H1-0: variants seen among roughly 807,000 people sequenced by gnomAD.
The protein encoded by H1-0 is histone H1.0.
A neutral mutation model predicts 8.8 loss-of-function variants in H1-0; 5 were observed. The ratio of observed to expected loss-of-function variants is 0.57; its 90% CI spans 0.30 to 1.19. H1-0 has a LOEUF of 1.19. Ranked by LOEUF, H1-0 falls within the 50% of genes most tolerant of loss-of-function variation. H1-0 has a pLI of 0.08. For synonymous variants in H1-0, 143 were observed against 101.4 expected, an observed-to-expected ratio of 1.41 and a Z score of -2.46; for missense variants, 231 against 242.0, an observed-to-expected ratio of 0.95 and a Z score of 0.30.
rs1921022609 is a variant in H1-0, at chr22:37,806,978, T to TACAA, written c.*849_*850insACAA. 6.0e-6 allele frequency: 1 copy of TACAA among 167,096 alleles called. No homozygotes were observed. The highest frequency in any genetic ancestry group is 1.5e-5 in the Non-Finnish European group (1 of 68,132). 10.4% of individuals were successfully genotyped at this position (167,096 alleles called of 1,614,324 possible). A position where few individuals can be genotyped will look rare whatever the true frequency, so the allele number is the denominator to read the frequency against. On this transcript the variant is annotated 3_prime_UTR_variant, in exon 1 of 1. Coordinates refer to ENST00000340857, the MANE Select transcript of H1-0 (RefSeq NM_005318.4). ...GATGGATTGTGTCCTAGGAAGACTT[T>TACAA]TCTTTTCCTCTGGATTTTTGTTCCT...
Position 37,805,859 on chromosome 22 carries a change from G to A in H1-0, c.315G>A (p.Val105=). Residue 105 remains valine (V), a synonymous_variant, in exon 1 of 1, where the codon GTG becomes GTA. Transcript: ENST00000340857. ...AGAGCGACGAACCCAAGAAGTCAGT[G>A]GCCTTCAAGAAGACCAAGAAGGAAA... ...LAKSDEPKKS[V]AFKKTKKEIK... 1 of 1,613,974 alleles carries A rather than the reference G, an allele frequency of 6.2e-7. No homozygotes were observed. The highest frequency in any genetic ancestry group is 8.5e-7 in the Non-Finnish European group (1 of 1,180,022).
Position 37,805,745 on chromosome 22 carries a change from G to C in H1-0, c.201G>C (p.Gln67His). 6.2e-7 allele frequency: 1 copy of C among 1,614,108 alleles called. No individual in the cohort carries two copies. Among genetic ancestry groups the C allele is most frequent in the Non-Finnish European group, 8.5e-7 (1 of 1,180,008 alleles). Residue 67 changes from glutamine (Q) to histidine (H), a missense_variant, in exon 1 of 1, where the codon CAG becomes CAC. By Grantham distance (24) the Gln-to-His change is conservative. Transcript: ENST00000340857. ...HYKVGENADS[Q>H]IKLSIKRLVT... ...AGGTGGGTGAGAACGCTGACTCGCA[G>C]ATCAAGTTGTCCATCAAGCGCCTGG...
Position 37,806,258 on chromosome 22 carries a change from G to T in H1-0, c.*129G>T. ...TCTGTTCTGACTTTATAAGAGACAGGATTTGGATTCTTCAGAAATTACAGA... is the reference window on the plus strand; with the variant it reads ...TCTGTTCTGACTTTATAAGAGACAGTATTTGGATTCTTCAGAAATTACAGA... On this transcript the variant is annotated 3_prime_UTR_variant, in exon 1 of 1. Coordinates refer to ENST00000340857, the MANE Select transcript of H1-0 (RefSeq NM_005318.4). The T allele has an allele frequency of 1.4e-6, 1 of 708,506 alleles. No individual in the cohort carries two copies. Among genetic ancestry groups the T allele is most frequent in the Non-Finnish European group, 2.4e-6 (1 of 424,000 alleles). 43.9% of individuals were successfully genotyped at this position (708,506 alleles called of 1,614,324 possible). A position where few individuals can be genotyped will look rare whatever the true frequency, so the allele number is the denominator to read the frequency against.
At position 37,806,181 on chromosome 22, in the gene H1-0, ATAAT is replaced by A. The variant is rs1400719323; in HGVS notation, c.*54_*57del. ...CCCTCCTGTCTCCTATTTTCTGTAAATAATTTTCTCCTTTTTTCTCTCTTGATGC... is the reference window on the plus strand; with the variant it reads ...CCCTCCTGTCTCCTATTTTCTGTAAATTTCTCCTTTTTTCTCTCTTGATGC... On this transcript the variant is annotated 3_prime_UTR_variant, in exon 1 of 1. Transcript: ENST00000340857. 7 of 1,411,628 alleles carry A rather than the reference ATAAT, an allele frequency of 5.0e-6. No homozygotes were observed. In the South Asian group the frequency reaches 9.2e-5, roughly 19 times the overall value. 87.4% of individuals were successfully genotyped at this position (1,411,628 alleles called of 1,614,324 possible). A position where few individuals can be genotyped will look rare whatever the true frequency, so the allele number is the denominator to read the frequency against.
chr22:37,805,952 G>A lies in H1-0; in HGVS notation c.408G>A (p.Lys136=). Reference sequence around the variant, plus strand: ...AGGCTGCCTCCAAAGCCCCAACCAAGAAACCCAAAGCCACCCCGGTCAAGA... The same window carrying A: ...AGGCTGCCTCCAAAGCCCCAACCAAAAAACCCAAAGCCACCCCGGTCAAGA... ...PKKAASKAPT[K]KPKATPVKKA... Residue 136 remains lysine, a synonymous_variant, in exon 1 of 1, where the codon AAG becomes AAA. Transcript: ENST00000340857. 6.2e-7 allele frequency: 1 copy of A among 1,613,950 alleles called. No individual in the cohort carries two copies. The highest frequency in any genetic ancestry group is 1.1e-5 in the South Asian group (1 of 91,074).
Position 37,806,403 on chromosome 22 carries a change from G to A in H1-0, c.*274G>A, listed in dbSNP as rs1465325955. ...TACGGGGTTAGGGATTTGCGGGGGG[G>A]GCTTGTGTGTTTTGTTGGCTTGTTT... On this transcript the variant is annotated 3_prime_UTR_variant, in exon 1 of 1. Transcript: ENST00000340857. 3 of 434,488 alleles carry A rather than the reference G, an allele frequency of 6.9e-6. No individual in the cohort carries two copies. Among genetic ancestry groups the A allele is most frequent in the Non-Finnish European group, 4.3e-6 (1 of 234,366 alleles). 26.9% of individuals were successfully genotyped at this position (434,488 alleles called of 1,614,324 possible). A position where few individuals can be genotyped will look rare whatever the true frequency, so the allele number is the denominator to read the frequency against.
rs1188296054 is a variant in H1-0, at chr22:37,805,275, C to CT, written c.-270_-269insT. ...GAGGCAGAGGAGGCGGAGGCAGAGG[C>CT]AGAGGCAGAGGCAGAGCCCGAGCCC... is the stretch of plus-strand genomic sequence containing the variant. On this transcript the variant is annotated 5_prime_UTR_variant, in exon 1 of 1. Coordinates refer to ENST00000340857, the MANE Select transcript of H1-0 (RefSeq NM_005318.4). 6.0e-6 allele frequency: 2 copies of CT among 336,130 alleles called. No individual in the cohort carries two copies. The highest frequency in any genetic ancestry group is 9.8e-6 in the Non-Finnish European group (2 of 204,506). 20.8% of individuals were successfully genotyped at this position (336,130 alleles called of 1,614,324 possible).
In H1-0 at chr22:37,805,801, G is replaced by T. The variant is rs1302151837; in HGVS notation, c.257G>T (p.Gly86Val). 3.1e-6 allele frequency: 5 copies of T among 1,614,034 alleles called. No homozygotes were observed. The highest frequency in any genetic ancestry group is 4.2e-6 in the Non-Finnish European group (5 of 1,180,024). The change falls in exon 1 of 1, where the codon GGG becomes GTG. Residue 86 changes from glycine to valine, a missense_variant. Gly to Val is a moderately radical substitution (Grantham distance 109). Coordinates refer to ENST00000340857, the MANE Select transcript of H1-0 (RefSeq NM_005318.4). ...VTTGVLKQTKGVGASGSFRLA... is the reference protein window; with the variant it reads ...VTTGVLKQTKVVGASGSFRLA... Reference sequence around the variant, plus strand: ...ACCGGTGTCCTCAAGCAGACCAAAGGGGTGGGGGCCTCGGGGTCCTTCCGG... The same window carrying T: ...ACCGGTGTCCTCAAGCAGACCAAAGTGGTGGGGGCCTCGGGGTCCTTCCGG...
rs190663843 is a variant in H1-0 at position 37,805,535 on chromosome 22, A to G, written c.-10A>G. On this transcript the variant is annotated 5_prime_UTR_variant, in exon 1 of 1. Coordinates refer to ENST00000340857, the MANE Select transcript of H1-0 (RefSeq NM_005318.4). ...AAGGCGCCTTCAACAGCCGGACCAG[A>G]CAGGCCACCATGACCGAGAATTCCA... 3.0e-4 allele frequency: 484 copies of G among 1,605,338 alleles called. 3 individuals are homozygous for G. The African/African-American group carries it at 6.0e-3, about 20-fold the overall frequency.
At position 37,807,331 on chromosome 22, in the gene H1-0, T is replaced by TCCCCCCCCCCCCCCC. The variant is rs56665907; in HGVS notation, c.*1211_*1212insCCCCCCCCCCCCCCC. 1.3e-5 allele frequency: 2 copies of TCCCCCCCCCCCCCCC among 151,430 alleles called. No homozygotes were observed. Among genetic ancestry groups the TCCCCCCCCCCCCCCC allele is most frequent in the Non-Finnish European group, 1.6e-5 (1 of 64,406 alleles). The allele number at this position is 151,430 out of a possible 1,614,324, so 9.4% of individuals were successfully genotyped here. A position where few individuals can be genotyped will look rare whatever the true frequency, so the allele number is the denominator to read the frequency against. ...AATAGAAAAATCGCGCACTTGCGCG[T>TCCCCCCCCCCCCCCC]CCCCCCCCCACCCCCTTTTTTAAAC... On this transcript the variant is annotated 3_prime_UTR_variant, in exon 1 of 1. Coordinates refer to ENST00000340857, the MANE Select transcript of H1-0 (RefSeq NM_005318.4).
In H1-0 at chr22:37,805,721, G is replaced by A. The variant is rs1004240361; in HGVS notation, c.177G>A (p.Lys59=). Residue 59 remains lysine (K), a synonymous_variant, in exon 1 of 1, where the codon AAG becomes AAA. Coordinates refer to ENST00000340857, the MANE Select transcript of H1-0 (RefSeq NM_005318.4). ...SIQKYIKSHY[K]VGENADSQIK... ...AGAAGTATATCAAGAGCCACTACAA[G>A]GTGGGTGAGAACGCTGACTCGCAGA... The A allele has an allele frequency of 3.7e-6, 6 of 1,614,028 alleles. No individual in the cohort carries two copies. Among genetic ancestry groups the A allele is most frequent in the African/African-American group, 1.3e-5 (1 of 74,924 alleles).
Position 37,805,904 on chromosome 22 carries a change from A to C in H1-0, c.360A>C (p.Pro120=). 1 of 1,614,118 alleles carries C rather than the reference A, an allele frequency of 6.2e-7. No homozygotes were observed. The highest frequency in any genetic ancestry group is 8.5e-7 in the Non-Finnish European group (1 of 1,180,032). ...TKKEIKKVAT[P]KKASKPKKAA... is the part of the protein sequence containing the mutation. The stretch of plus-strand genomic sequence containing the variant: ...AGGAAATCAAGAAGGTAGCCACGCC[A>C]AAGAAGGCATCCAAGCCCAAGAAGG... The change falls in exon 1 of 1, where the codon CCA becomes CCC. Residue 120 remains proline, a synonymous_variant. Coordinates refer to ENST00000340857, the MANE Select transcript of H1-0 (RefSeq NM_005318.4).
At position 37,806,880 on chromosome 22, in the gene H1-0, T is replaced by G. The variant is rs1473261350; in HGVS notation, c.*751T>G. 6.0e-6 allele frequency: 1 copy of G among 167,086 alleles called. No individual in the cohort carries two copies. The highest frequency in any genetic ancestry group is 6.5e-5 in the Admixed American group (1 of 15,278). The allele number at this position is 167,086 out of a possible 1,614,324, so 10.4% of individuals were successfully genotyped here. A position where few individuals can be genotyped will look rare whatever the true frequency, so the allele number is the denominator to read the frequency against. ...TCTCTTGTTAAACCGGAGTGAAAAC[T>G]TCAGGGGAAGGGTGGGGAGTCAGCC... On this transcript the variant is annotated 3_prime_UTR_variant, in exon 1 of 1. Coordinates refer to ENST00000340857, the MANE Select transcript of H1-0 (RefSeq NM_005318.4).
In H1-0 at chr22:37,806,907, A is replaced by G. The variant is rs1346607156; in HGVS notation, c.*778A>G. On this transcript the variant is annotated 3_prime_UTR_variant, in exon 1 of 1. Transcript: ENST00000340857. ...CAGGGGAAGGGTGGGGAGTCAGCCA[A>G]GTGCCTCAGTGTGCCCTGTTGAAAC... 6.0e-6 allele frequency: 1 copy of G among 167,086 alleles called. No homozygotes were observed. The highest frequency in any genetic ancestry group is 1.5e-5 in the Non-Finnish European group (1 of 68,130). The allele number at this position is 167,086 out of a possible 1,614,324, so 10.4% of individuals were successfully genotyped here. A position where few individuals can be genotyped will look rare whatever the true frequency, so the allele number is the denominator to read the frequency against.
rs1180369551 is a variant in H1-0, at chr22:37,805,385, G to A, written c.-160G>A. 1.4e-5 allele frequency: 8 copies of A among 587,110 alleles called. No homozygotes were observed. The highest frequency in any genetic ancestry group is 8.9e-6 in the Non-Finnish European group (3 of 335,698). The allele number at this position is 587,110 out of a possible 1,614,324, so 36.4% of individuals were successfully genotyped here. A position where few individuals can be genotyped will look rare whatever the true frequency, so the allele number is the denominator to read the frequency against. ...CTCTCCCGACACCCGAGCCGGGGAG[G>A]AAAAGCAGCGACTCCTCGCTCGCAT... is the stretch of plus-strand genomic sequence containing the variant. On this transcript the variant is annotated 5_prime_UTR_variant, in exon 1 of 1. Coordinates refer to ENST00000340857, the MANE Select transcript of H1-0 (RefSeq NM_005318.4).
chr22:37,805,592 C>G lies in H1-0; in HGVS notation c.48C>G (p.Ala16=). The G allele has an allele frequency of 6.2e-7, 1 of 1,614,070 alleles. No homozygotes were observed. The highest frequency in any genetic ancestry group is 8.5e-7 in the Non-Finnish European group (1 of 1,179,986). Residue 16 remains alanine, a synonymous_variant, in exon 1 of 1, where the codon GCC becomes GCG. Transcript: ENST00000340857. The part of the protein sequence containing the change: ...TSAPAAKPKR[A]KASKKSTDHP... Reference sequence around the variant, plus strand: ...CCCCTGCGGCCAAGCCCAAGCGGGCCAAGGCCTCCAAGAAGTCCACAGACC... The same window carrying G: ...CCCCTGCGGCCAAGCCCAAGCGGGCGAAGGCCTCCAAGAAGTCCACAGACC...
chr22:37,805,259 G>A lies in H1-0; in HGVS notation c.-286G>A, dbSNP rs1920973771. The stretch of plus-strand genomic sequence containing the variant: ...CGGAGCTGGGAAAAGGGAGGCAGAG[G>A]AGGCGGAGGCAGAGGCAGAGGCAGA... On this transcript the variant is annotated 5_prime_UTR_variant, in exon 1 of 1. Coordinates refer to ENST00000340857, the MANE Select transcript of H1-0 (RefSeq NM_005318.4). 2.6e-6 allele frequency: 1 copy of A among 387,736 alleles called. No individual in the cohort carries two copies. The highest frequency in any genetic ancestry group is 4.4e-6 in the Non-Finnish European group (1 of 225,176). The allele number at this position is 387,736 out of a possible 1,614,324, so 24.0% of individuals were successfully genotyped here.
Position 37,805,465 on chromosome 22 carries a change from C to G in H1-0, c.-80C>G. 5.6e-6 allele frequency: 6 copies of G among 1,071,774 alleles called. No homozygotes were observed. Among genetic ancestry groups the G allele is most frequent in the Non-Finnish European group, 8.2e-6 (6 of 729,812 alleles). 66.4% of individuals were successfully genotyped at this position (1,071,774 alleles called of 1,614,324 possible). Reference sequence around the variant, plus strand: ...GTAGTCAGGGGCTCAGGAGCAGATCCCGAGGCAGGCTTTGCTCAGCCTCCG... The same window carrying G: ...GTAGTCAGGGGCTCAGGAGCAGATCGCGAGGCAGGCTTTGCTCAGCCTCCG... On this transcript the variant is annotated 5_prime_UTR_variant, in exon 1 of 1. Coordinates refer to ENST00000340857, the MANE Select transcript of H1-0 (RefSeq NM_005318.4).
rs1230705259 is a variant in H1-0, at chr22:37,806,324, C to A, written c.*195C>A. On this transcript the variant is annotated 3_prime_UTR_variant, in exon 1 of 1. Coordinates refer to ENST00000340857, the MANE Select transcript of H1-0 (RefSeq NM_005318.4). The stretch of plus-strand genomic sequence containing the variant: ...TTAACCAGTTGTGCAAGGACAGCAA[C>A]AACCAATCTAATGATGAGAATGTAC... The A allele has an allele frequency of 1.0e-5, 6 of 602,980 alleles. No individual in the cohort carries two copies. The highest frequency in any genetic ancestry group is 1.5e-5 in the Non-Finnish European group (5 of 334,902). 37.4% of individuals were successfully genotyped at this position (602,980 alleles called of 1,614,324 possible).
Sources: gnomAD v4.1 joint callset for allele counts on GRCh38, gnomAD v4.1.1 for gene constraint, MANE v1.5 for transcripts, NCBI Gene and HGNC (gene_info 2026-07-23, HGNC 2026-07-21) for gene names.